The following USH2A variants were observed in gnomAD, a reference collection of about 807,000 sequenced individuals.
USH2A encodes the protein usherin.
Under a neutral mutation model 538.9 loss-of-function variants are expected in USH2A, and 443 were observed. The observed-to-expected ratio is 0.82, with a 90% CI of 0.76 to 0.89. The LOEUF is 0.89. USH2A is among the 40% of genes least tolerant of loss of function. The pLI, the probability that USH2A is intolerant of heterozygous loss-of-function variation, is 0.00. For missense variants in USH2A, 6,633 were observed against 6,324.8 expected (o/e 1.05, Z -1.65); for synonymous variants, 2,413 against 2,273.5 (o/e 1.06, Z -1.75).
At chr1:216,042,248 T>C (rs375359993) in intron 32 of USH2A, among the ~76,000 whole-genome samples, 12 of 152,184 alleles carry the variant, frequency 7.9e-5, no homozygotes, top group African/African-American at 2.6e-4. Flanking sequence ...AATAAAGTAG[T>C]AGAAGGAATT....
intron 37 of USH2A, among the ~76,000 whole-genome samples, chr1:215,943,948 T>C (rs1158241803): frequency 6.6e-6 from 1 of 152,218 alleles, no homozygotes; most frequent in Non-Finnish European, 1.5e-5. Flanking sequence ...GTTTACTGTT[T>C]GTTAACATTG....
intron 14 of USH2A, among the ~76,000 whole-genome samples, chr1:216,224,957 T>A (rs1437565113): frequency 6.6e-6 from 1 of 152,178 alleles, no homozygotes; most frequent in Non-Finnish European, 1.5e-5. Flanking sequence ...AATGTAAACA[T>A]TTCTATTTGT....
chr1:215,780,731 A>C (rs968482576), intron 54 of USH2A, among the ~76,000 whole-genome samples: 2 of 152,238 alleles, frequency 1.3e-5, no homozygotes, highest in African/African-American at 4.8e-5. Context: ...TGCAAAAAGC[A>C]TGGAATTGTT....
intron 38 of USH2A, among the ~76,000 whole-genome samples, chr1:215,921,069 A>G (rs1039857904): frequency 2.0e-5 from 3 of 152,116 alleles, no homozygotes; most frequent in African/African-American, 4.8e-5. Context: ...TTTTACAAAT[A>G]TAAGTTTTCT....
In USH2A at chr1:216,083,495, A is replaced by G. The variant is rs755026702; in HGVS notation, c.5259T>C (p.Leu1753=). 6.2e-7 allele frequency: 1 copy of G among 1,612,578 alleles called. No homozygotes were observed. Among genetic ancestry groups the G allele is most frequent in the Non-Finnish European group, 8.5e-7 (1 of 1,179,236 alleles). Residue 1753 remains leucine (L), a synonymous_variant, in exon 26 of 72, where the codon CTT becomes CTC. Coordinates refer to ENST00000307340, the MANE Select transcript of USH2A (RefSeq NM_206933.4). The part of the protein sequence containing the change: ...KFRTDQLNGL[L]LFVYNKDGPD... ...GTCCATCTTTGTTATAAACGAAAAGAAGCAATCCATTTAATTGGTCAGTTC... is the reference window on the plus strand; with the variant it reads ...GTCCATCTTTGTTATAAACGAAAAGGAGCAATCCATTTAATTGGTCAGTTC...
chr1:216,090,431 TAA>T (rs748252419), intron 22 of USH2A, among the ~76,000 whole-genome samples: 29 of 94,432 alleles, frequency 3.1e-4, no homozygotes, highest in Non-Finnish European at 3.1e-4. Flanking sequence ...GTTACCAAAG[TAA>T]AAAAAAAAAA....
At chr1:216,414,058 C>T (rs2039536808) in intron 3 of USH2A, among the ~76,000 whole-genome samples, 1 of 152,070 alleles carries the variant, frequency 6.6e-6, no homozygotes, top group Non-Finnish European at 1.5e-5. Flanking sequence ...TATTTCAAAA[C>T]TTTTATAAGA....
chr1:215,831,878 G>C (rs1023655835), intron 47 of USH2A, among the ~76,000 whole-genome samples: 1 of 151,826 alleles, frequency 6.6e-6, no homozygotes, highest in Non-Finnish European at 1.5e-5. Flanking sequence ...GCCAAAAATG[G>C]TTCTTTGAAA....
At position 216,149,093 on chromosome 1, in the gene USH2A, C is replaced by T. The variant is rs556702148; in HGVS notation, c.4627+26159G>A. Among the ~76,000 whole-genome samples, 177 of 152,062 alleles carry T rather than the reference C, an allele frequency of 1.2e-3. 1 individual carries two copies. Among genetic ancestry groups the T allele is most frequent in the Non-Finnish European group, 2.0e-3 (138 of 67,932 alleles). ...CTTTCCTTCCTAGGCATGGTTAGCA[C>T]GGTCAGAATTTTTACACAAGAGCCA... is the stretch of plus-strand genomic sequence containing the variant. On this transcript the variant is annotated intron_variant, in intron 21 of 71. Transcript: ENST00000307340.
chr1:215,681,497 T>C (rs1024269122), intron 61 of USH2A, among the ~76,000 whole-genome samples: 4 of 152,188 alleles, frequency 2.6e-5, no homozygotes, highest in African/African-American at 9.7e-5. Flanking sequence ...TCTTCAATTG[T>C]CTTCTTTCCT....
At chr1:215,709,180 G>C (rs1659265859) in intron 61 of USH2A, among the ~76,000 whole-genome samples, 1 of 152,174 alleles carries the variant, frequency 6.6e-6, no homozygotes, top group African/African-American at 2.4e-5. Flanking sequence ...CATCATTAAT[G>C]ATTAATCTTT....
At chr1:215,629,758 TTTTTC>T (rs1164735540) in intron 70 of USH2A, among the ~76,000 whole-genome samples, 76 of 150,374 alleles carry the variant, frequency 5.1e-4, no homozygotes, top group Admixed American at 1.2e-3. Flanking sequence ...ATGTTTCTGC[TTTTTC>T]TTTTCTTTTC....
intron 35 of USH2A, among the ~76,000 whole-genome samples, chr1:215,976,456 A>G (rs1372064646): frequency 6.6e-6 from 1 of 152,036 alleles, no homozygotes; most frequent in Non-Finnish European, 1.5e-5. Context: ...TTTGTCATAG[A>G]TAGCTCTTAT....
At chr1:216,420,726 C>T (rs917144652) in intron 2 of USH2A, among the ~76,000 whole-genome samples, 1 of 152,110 alleles carries the variant, frequency 6.6e-6, no homozygotes, top group African/African-American at 2.4e-5. Flanking sequence ...AACTGAGTAG[C>T]TTGAATTTAC....
At chr1:215,641,999 T>C (rs1300019300) in intron 67 of USH2A, among the ~76,000 whole-genome samples, 1 of 152,194 alleles carries the variant, frequency 6.6e-6, no homozygotes, top group Non-Finnish European at 1.5e-5. Flanking sequence ...CTTCTCTCCA[T>C]CACCTTAGTT....
chr1:216,090,376 GC>G (rs1297359746), intron 22 of USH2A, among the ~76,000 whole-genome samples: 5 of 149,198 alleles, frequency 3.4e-5, no homozygotes, highest in Non-Finnish European at 7.4e-5. Flanking sequence ...TTCCTGTCGG[GC>G]CTCATAAAGA....
chr1:215,950,819 A>G (rs1666894046), intron 37 of USH2A, among the ~76,000 whole-genome samples: 1 of 152,118 alleles, frequency 6.6e-6, no homozygotes, highest in Non-Finnish European at 1.5e-5. Context: ...AACTGGTACC[A>G]TTTTAACAAA....
At chr1:215,824,583 T>G (rs1663103403) in intron 47 of USH2A, among the ~76,000 whole-genome samples, 1 of 152,146 alleles carries the variant, frequency 6.6e-6, no homozygotes, top group East Asian at 1.9e-4. Context: ...GAACAGCCAC[T>G]CTGATTTGGC....
At chr1:216,090,431 TAAAA>T (rs748252419) in intron 22 of USH2A, among the ~76,000 whole-genome samples, 2 of 94,486 alleles carry the variant, frequency 2.1e-5, no homozygotes, top group Admixed American at 9.8e-5. Flanking sequence ...GTTACCAAAG[TAAAA>T]AAAAAAAAAA....
Sources: allele counts gnomAD v4.1 joint callset (sites outside exome capture counted in the v4.1 genomes callset), GRCh38; gene constraint gnomAD v4.1.1; transcripts MANE v1.5; gene names NCBI Gene and HGNC (gene_info 2026-07-23, HGNC 2026-07-21).